The following HK1 variants were observed in gnomAD, a reference collection of about 807,000 sequenced individuals.
HK1 encodes hexokinase-1.
A neutral mutation model predicts 91.6 loss-of-function variants in HK1; 28 were observed. The ratio of observed to expected loss-of-function variants is 0.31; its 90% CI spans 0.23 to 0.42. The LOEUF (loss-of-function observed/expected upper bound fraction) is 0.42. HK1 is among the 10% of genes least tolerant of loss of function. The pLI, the probability that HK1 is intolerant of heterozygous loss-of-function variation, is 1.00. For synonymous variants in HK1, 430 were observed against 468.1 expected (o/e 0.92, Z 1.05); for missense variants, 770 against 1,219.8 (o/e 0.63, Z 5.49).
Position 69,384,862 on chromosome 10 carries a change from A to T in HK1, c.1786A>T (p.Met596Leu), listed in dbSNP as rs370985073. 3.1e-6 allele frequency: 5 copies of T among 1,613,982 alleles called. No individual in the cohort carries two copies. In the African/African-American group the frequency reaches 6.7e-5, roughly 22 times the overall value. Residue 596 changes from methionine (M) to leucine (L), a missense_variant, in exon 12 of 18, where the codon ATG (methionine) becomes TTG (leucine). Coordinates refer to ENST00000359426, the MANE Select transcript of HK1 (RefSeq NM_000188.3). ...CTACATGGGGATCAAAGGCCCCAGG[A>T]TGCCTCTGGGCTTCACGTTCTCATT... Reference protein sequence around the residue: ...LDYMGIKGPRMPLGFTFSFPC... With the variant: ...LDYMGIKGPRLPLGFTFSFPC...
At chr10:69,373,136 TGGG>T (rs1850103476) in intron 7 of HK1, among the ~76,000 whole-genome samples, 2 of 152,238 alleles carry the variant, frequency 1.3e-5, no homozygotes, top group Non-Finnish European at 2.9e-5. Flanking sequence ...CTCAAAGTTC[TGGG>T]ATTACAGACG....
Position 69,369,384 on chromosome 10 carries a change from G to C in HK1, c.691+48G>C. 6.2e-7 allele frequency: 1 copy of C among 1,613,710 alleles called. No homozygotes were observed. The highest frequency in any genetic ancestry group is 1.1e-5 in the South Asian group (1 of 91,070). On this transcript the variant is annotated intron_variant, in intron 6 of 17. Coordinates refer to ENST00000359426, the MANE Select transcript of HK1 (RefSeq NM_000188.3). This position sits in a 1 kb window ranked among gnomAD's most constrained non-coding sequence, Gnocchi z 4.4. ...TCCATTTGTTCGGCCCATCTTTCCA[G>C]GTGGCTCTGCACCCTCCCCGTTGTG...
intron 1 of HK1, among the ~76,000 whole-genome samples, chr10:69,321,308 T>A (rs1329541421): frequency 6.6e-6 from 1 of 152,314 alleles, no homozygotes; most frequent in East Asian, 1.9e-4. Flanking sequence ...CCTACTCAGT[T>A]TTGCCCAAGT....
intron 8 of HK1, among the ~76,000 whole-genome samples, chr10:69,377,750 C>A (rs935808474): frequency 6.6e-6 from 1 of 152,212 alleles, no homozygotes; most frequent in African/African-American, 2.4e-5. Context: ...TTTGACTTGT[C>A]ATTTCCCAAA....
At chr10:69,318,077 C>T, upstream of HK1, 1 of 985,400 alleles carries the variant, frequency 1.0e-6, no homozygotes, top group Non-Finnish European at 1.2e-6. Context: ...GCCCAAGTCC[C>T]GCCCAGAGGG....
At chr10:69,343,627 G>A (rs1000294556) in intron 1 of HK1, among the ~76,000 whole-genome samples, 200 bp from the exon 2 acceptor site, 7 of 152,186 alleles carry the variant, frequency 4.6e-5, no homozygotes, top group Non-Finnish European at 1.0e-4. Flanking sequence ...CATTTTACAG[G>A]CCAGGAACTA....
At chr10:69,368,228 G>A (rs890060888) in intron 4 of HK1, among the ~76,000 whole-genome samples, 1 of 152,238 alleles carries the variant, frequency 6.6e-6, no homozygotes, top group African/African-American at 2.4e-5. Context: ...CTGCGCAGTT[G>A]GCATCCAGTT....
intron 2 of HK1, among the ~76,000 whole-genome samples, chr10:69,353,139 G>A (rs1848960962): frequency 6.6e-6 from 1 of 152,140 alleles, no homozygotes; most frequent in Non-Finnish European, 1.5e-5. Context: ...AGGATGGGGG[G>A]CTGGTTGCCA....
At chr10:69,376,623 T>G (rs185062948) in intron 7 of HK1, among the ~76,000 whole-genome samples, 1 of 152,354 alleles carries the variant, frequency 6.6e-6, no homozygotes, top group Admixed American at 6.5e-5. Context: ...TGGGGCCTTC[T>G]TGACATCTGC....
intron 3 of HK1, among the ~76,000 whole-genome samples, chr10:69,360,596 C>T (rs1008846764): frequency 1.3e-5 from 2 of 152,210 alleles, no homozygotes; most frequent in Admixed American, 6.5e-5. Context: ...AGGGAAATCA[C>T]GGTCCCCTCC....
At chr10:69,332,297 G>A (rs543983548) in intron 1 of HK1, among the ~76,000 whole-genome samples, 2 of 151,948 alleles carry the variant, frequency 1.3e-5, no homozygotes, top group Admixed American at 6.6e-5. Context: ...CCATTATCTC[G>A]AAAGGACCCA....
chr10:69,296,284 C>G (rs1032920057), intron 4 of HK1: 1 of 157,128 alleles, frequency 6.4e-6, no homozygotes, highest in African/African-American at 2.4e-5. Context: ...GTGAGGTGTA[C>G]ACTTTATGAA....
intron 15 of HK1, among the ~76,000 whole-genome samples, chr10:69,393,755 C>G (rs184388943): frequency 3.3e-5 from 5 of 152,318 alleles, no homozygotes; most frequent in African/African-American, 7.2e-5. Context: ...ACTAAGACCC[C>G]CTTTGGGCTG....
rs766090878 is a variant in HK1, at chr10:69,325,526, ATT to A, written c.63+6532_63+6533del. Among the ~76,000 whole-genome samples the A allele has an allele frequency of 6.6e-4, 83 of 125,856 alleles. 1 individual carries two copies. The South Asian group carries it at 0.016, about 24-fold the overall frequency. The allele number at this position is 125,856 out of a possible 152,430, so 82.6% of individuals were successfully genotyped here. A position where few individuals can be genotyped will look rare whatever the true frequency, so the allele number is the denominator to read the frequency against. ...GCACCAGCCAATGCTCCTGGCCTGCATTTTTTTTTTTTTTTTTGAGATGGGGT... is the reference window on the plus strand; with the variant it reads ...GCACCAGCCAATGCTCCTGGCCTGCATTTTTTTTTTTTTTTGAGATGGGGT... On this transcript the variant is annotated intron_variant, in intron 1 of 17. Transcript: ENST00000359426.
At chr10:69,277,727 G>C (rs1361922861) in intron 1 of HK1, among the ~76,000 whole-genome samples, 4 of 152,006 alleles carry the variant, frequency 2.6e-5, no homozygotes, top group Admixed American at 1.3e-4. Flanking sequence ...ACACAACTGA[G>C]TGCTGATAAA....
intron 2 of HK1, among the ~76,000 whole-genome samples, chr10:69,359,146 CTG>C (rs1849291664): frequency 6.6e-6 from 1 of 151,984 alleles, no homozygotes; most frequent in South Asian, 2.1e-4. Context: ...GGACAAATAA[CTG>C]TGTGATTCTT....
rs34434447 is a variant in HK1, at chr10:69,293,855, CTTTTTTTTTTTT to C, written c.-114-1765_-114-1754del. 9.1e-5 allele frequency among the ~76,000 whole-genome samples: 9 copies of C among 98,972 alleles called. No homozygotes were observed. In the South Asian group the frequency reaches 1.7e-3, roughly 19 times the overall value. The allele number at this position is 98,972 out of a possible 152,430, so 64.9% of individuals were successfully genotyped here. A position where few individuals can be genotyped will look rare whatever the true frequency, so the allele number is the denominator to read the frequency against. ...CCCCGAAGCACAAGCATATTTCTTT[CTTTTTTTTTTTT>C]TTTTTTTTTTTTGAGACAGAGTCTC... On this transcript the variant is annotated intron_variant, in intron 3 of 21. Coordinates refer to the HK1 transcript ENST00000360289.
intron 3 of HK1, among the ~76,000 whole-genome samples, chr10:69,363,548 T>C (rs1383461358): frequency 6.6e-6 from 1 of 152,126 alleles, no homozygotes; most frequent in African/African-American, 2.4e-5. Flanking sequence ...CTGGCTAATT[T>C]TTAAGCTTTT....
intron 1 of HK1, among the ~76,000 whole-genome samples, chr10:69,325,195 G>A (rs368724645): frequency 1.1e-3 from 165 of 151,400 alleles, no homozygotes; most frequent in African/African-American, 3.7e-3. Context: ...GGGACTACAG[G>A]CGCCTGCCAC....
Sources: gnomAD v4.1 joint callset for allele counts (sites outside exome capture counted in the v4.1 genomes callset) on GRCh38, gnomAD v4.1.1 for gene constraint, Gnocchi (gnomAD v3.1) non-coding constraint, MANE v1.5 for transcripts, NCBI Gene and HGNC (gene_info 2026-07-23, HGNC 2026-07-21) for gene names.